SNX29: variants seen among roughly 807,000 people sequenced by gnomAD.
The protein encoded by SNX29 is sorting nexin 29.
SNX29 carries 78 observed loss-of-function variants against 102.1 expected under a neutral mutation model. The observed-to-expected ratio is 0.76, with a 90% CI of 0.64 to 0.92. SNX29 has a LOEUF of 0.92. Ranked by LOEUF, SNX29 falls within the 40% of genes least tolerant of loss-of-function variation. SNX29 has a pLI of 0.00. For synonymous variants in SNX29, 580 were observed against 414.5 expected (o/e 1.40, Z -4.85); for missense variants, 1,280 against 1,061.7 (o/e 1.21, Z -2.86).
chr16:12,101,476 C>T (rs1018873725), intron 11 of SNX29, among the ~76,000 whole-genome samples: 21 of 151,704 alleles, frequency 1.4e-4, no homozygotes, highest in Admixed American at 1.1e-3. Context: ...CTCCACCTCC[C>T]GGGTTCAAGC....
intron 16 of SNX29, among the ~76,000 whole-genome samples, chr16:12,362,519 C>A (rs2082328850): frequency 7.1e-6 from 1 of 140,798 alleles, no homozygotes; most frequent in Non-Finnish European, 1.5e-5. Flanking sequence ...ATGAATTTGA[C>A]AACTGAGTTG....
chr16:12,182,800 G>C (rs1448389051), intron 13 of SNX29, among the ~76,000 whole-genome samples: 1 of 151,898 alleles, frequency 6.6e-6, no homozygotes, highest in Non-Finnish European at 1.5e-5. Context: ...CAGGTGTGGT[G>C]GTGGGCACCT....
intron 20 of SNX29, among the ~76,000 whole-genome samples, chr16:12,557,877 A>G (rs1217770126): frequency 1.3e-5 from 2 of 152,168 alleles, no homozygotes; most frequent in African/African-American, 4.8e-5. Flanking sequence ...CGAGTGGAGG[A>G]GGGCCTCTGC....
intron 13 of SNX29, among the ~76,000 whole-genome samples, chr16:12,146,481 G>T (rs554327416): frequency 6.6e-6 from 1 of 152,252 alleles, no homozygotes; most frequent in South Asian, 2.1e-4. Context: ...GGCCAGGCTG[G>T]TCTCGAACTC....
chr16:12,435,120 G>A (rs2151643620), intron 18 of SNX29, among the ~76,000 whole-genome samples: 1 of 152,242 alleles, frequency 6.6e-6, no homozygotes, highest in Non-Finnish European at 1.5e-5. Context: ...GCCATTTGCA[G>A]CTGTTCTTCA....
intron 15 of SNX29, among the ~76,000 whole-genome samples, chr16:12,307,364 T>C (rs1339547612): frequency 1.3e-5 from 2 of 152,132 alleles, no homozygotes; most frequent in Non-Finnish European, 2.9e-5. Context: ...GAGAACTGTA[T>C]CCTCCAGTAT....
chr16:12,342,326 A>C (rs1596996302), intron 15 of SNX29, among the ~76,000 whole-genome samples: 1 of 152,150 alleles, frequency 6.6e-6, no homozygotes, highest in Non-Finnish European at 1.5e-5. Flanking sequence ...TCTCGGTCAT[A>C]TCTTCAGTGT....
At chr16:12,522,835 C>T (rs2090150911) in intron 19 of SNX29, among the ~76,000 whole-genome samples, 1 of 152,180 alleles carries the variant, frequency 6.6e-6, no homozygotes, top group Non-Finnish European at 1.5e-5. Flanking sequence ...CTAATATAGT[C>T]AGGGTCTAAC....
chr16:12,250,919 T>A (rs2078402525), intron 14 of SNX29, among the ~76,000 whole-genome samples: 1 of 152,208 alleles, frequency 6.6e-6, no homozygotes, highest in African/African-American at 2.4e-5. Context: ...ACCCCGGTAC[T>A]GCAGTTACTC....
At chr16:12,401,776 G>A (rs2083955091) in intron 17 of SNX29, among the ~76,000 whole-genome samples, 1 of 152,190 alleles carries the variant, frequency 6.6e-6, no homozygotes. Context: ...ACCCAGAGTA[G>A]TGGCTTCTCA....
intron 13 of SNX29, among the ~76,000 whole-genome samples, chr16:12,183,239 G>T (rs1017291724): frequency 6.6e-6 from 1 of 152,124 alleles, no homozygotes; most frequent in Non-Finnish European, 1.5e-5. Flanking sequence ...GGGCTCAAGC[G>T]ATCCTCCCGC....
intron 20 of SNX29, among the ~76,000 whole-genome samples, chr16:12,528,293 G>C (rs1480047119): frequency 6.6e-6 from 1 of 152,064 alleles, no homozygotes; most frequent in Admixed American, 6.6e-5. Context: ...TCTACCTCCG[G>C]TTCAAGTGAT....
At chr16:12,022,423 A>T (rs2057055950) in intron 3 of SNX29, among the ~76,000 whole-genome samples, 2 of 150,886 alleles carry the variant, frequency 1.3e-5, no homozygotes, top group African/African-American at 2.4e-5. Context: ...TTGGTCTTGA[A>T]CTCCTGACCT....
At chr16:12,251,658 G>A (rs532269765) in intron 14 of SNX29, among the ~76,000 whole-genome samples, 21 of 152,250 alleles carry the variant, frequency 1.4e-4, no homozygotes, top group South Asian at 1.2e-3. Flanking sequence ...AGCTGAGATC[G>A]TGCCATTGCA....
intron 1 of SNX29, among the ~76,000 whole-genome samples, chr16:11,987,447 A>C (rs2055676088): frequency 7.0e-6 from 1 of 143,198 alleles, no homozygotes; most frequent in Admixed American, 7.2e-5. Flanking sequence ...TCTGTCACCC[A>C]GGCTGGAGTG....
At chr16:12,236,834 G>T (rs1010231766) in intron 14 of SNX29, among the ~76,000 whole-genome samples, 8 of 152,222 alleles carry the variant, frequency 5.3e-5, no homozygotes, top group Admixed American at 1.3e-4. Flanking sequence ...AGTGGATTCT[G>T]AGTTGCTTGG....
chr16:12,123,644 G>C (rs1166285628), intron 11 of SNX29, among the ~76,000 whole-genome samples: 1 of 152,182 alleles, frequency 6.6e-6, no homozygotes, highest in Admixed American at 6.5e-5. Flanking sequence ...GCAGTGTCCT[G>C]TGTGGGTACA....
chr16:12,229,234 G>C (rs2077701287), intron 14 of SNX29, among the ~76,000 whole-genome samples: 1 of 152,220 alleles, frequency 6.6e-6, no homozygotes, highest in Non-Finnish European at 1.5e-5. Context: ...ATTCCTGTTT[G>C]TGTTATTGGC....
chr16:12,130,468 C>T (rs1311898441), intron 13 of SNX29, among the ~76,000 whole-genome samples: 3 of 115,628 alleles, frequency 2.6e-5, no homozygotes, highest in Non-Finnish European at 5.0e-5. Context: ...GAGCGAGACT[C>T]CGTCTCAAAA....
Sources: gnomAD v4.1 joint callset for allele counts (sites outside exome capture counted in the v4.1 genomes callset) on GRCh38, gnomAD v4.1.1 for gene constraint, MANE v1.5 for transcripts, NCBI Gene and HGNC (gene_info 2026-07-23, HGNC 2026-07-21) for gene names.